PLXNA4: variants seen among roughly 807,000 people sequenced by gnomAD.
PLXNA4 encodes plexin A4, also known as plexin-A4.
A neutral mutation model predicts 191.8 loss-of-function variants in PLXNA4; 44 were observed. That is an observed-to-expected ratio of 0.23 (90% CI 0.18 to 0.29). The LOEUF (loss-of-function observed/expected upper bound fraction) is 0.29, where lower values mean the gene tolerates loss of function less well. PLXNA4 is among the 10% of genes least tolerant of loss of function. The pLI is 1.00. For missense variants in PLXNA4, 1,800 were observed against 2,488.8 expected (o/e 0.72, Z 5.89); for synonymous variants, 1,082 against 1,009.5 (o/e 1.07, Z -1.36).
chr7:132,216,062 C>G (rs1355236155), intron 9 of PLXNA4, among the ~76,000 whole-genome samples: 2 of 152,226 alleles, frequency 1.3e-5, no homozygotes, highest in Non-Finnish European at 2.9e-5. Context: ...GAAGTGGAGA[C>G]AGTCTTTTGG....
At chr7:132,566,172 A>G (rs1801714286) in intron 1 of PLXNA4, among the ~76,000 whole-genome samples, 1 of 152,156 alleles carries the variant, frequency 6.6e-6, no homozygotes, top group African/African-American at 2.4e-5. Context: ...GCCTGCACCA[A>G]GCATGGGGGG....
At chr7:132,437,569 G>A (rs73158826) in intron 3 of PLXNA4, among the ~76,000 whole-genome samples, 471 of 138,098 alleles carry the variant, frequency 3.4e-3, no homozygotes, top group Middle Eastern at 7.6e-3. Context: ...GGAAAAAAAA[G>A]AAAAAAAAAA....
chr7:132,647,830 T>C (rs1424191158), intron 1 of PLXNA4, among the ~76,000 whole-genome samples: 1 of 150,122 alleles, frequency 6.7e-6, no homozygotes, highest in Admixed American at 6.6e-5. Flanking sequence ...ACTCAAAATA[T>C]ACACTCATAA....
At chr7:132,246,924 C>A (rs1291297909) in intron 4 of PLXNA4, among the ~76,000 whole-genome samples, 1 of 152,070 alleles carries the variant, frequency 6.6e-6, no homozygotes, top group African/African-American at 2.4e-5. Context: ...AGCAAAGGGT[C>A]CCAAATCAGA....
intron 1 of PLXNA4, among the ~76,000 whole-genome samples, chr7:132,553,035 A>G (rs1800629161): frequency 6.6e-6 from 1 of 152,124 alleles, no homozygotes; most frequent in Non-Finnish European, 1.5e-5. Context: ...CATGAAACTG[A>G]AGTTCTTCCT....
At chr7:132,483,365 C>T (rs1797414662) in intron 3 of PLXNA4, among the ~76,000 whole-genome samples, 1 of 152,216 alleles carries the variant, frequency 6.6e-6, no homozygotes, top group Non-Finnish European at 1.5e-5. Context: ...GTTGGGGGCT[C>T]ATTCCCTCTT....
At chr7:132,190,149 G>A in intron 14 of PLXNA4, among the ~76,000 whole-genome samples, 1 of 152,148 alleles carries the variant, frequency 6.6e-6, no homozygotes, top group East Asian at 1.9e-4. Flanking sequence ...TAGACCTTAT[G>A]CTGGGAACAG....
chr7:132,555,472 A>G (rs1476357257), intron 1 of PLXNA4, among the ~76,000 whole-genome samples: 2 of 152,238 alleles, frequency 1.3e-5, no homozygotes, highest in Non-Finnish European at 2.9e-5. Flanking sequence ...AGCAGAACTG[A>G]CAAGCTTTAG....
At chr7:132,153,238 G>A (rs555182703) in intron 25 of PLXNA4, among the ~76,000 whole-genome samples, 1 of 152,296 alleles carries the variant, frequency 6.6e-6, no homozygotes, top group East Asian at 1.9e-4. Context: ...TGTAGTTCTA[G>A]GGATCGATGA....
chr7:132,202,735 T>C lies in PLXNA4; in HGVS notation c.2497A>G (p.Thr833Ala), dbSNP rs1797481539. The stretch of plus-strand genomic sequence containing the variant: ...TGGGCAGGGCAGTGCTGGCGCAGGG[T>C]GCACTGGCCTGGGCCCTGGCACCAG... ...CGWCQGPGQC[T>A]LRQHCPAQES... Residue 833 changes from threonine (T) to alanine (A), a missense_variant, in exon 12 of 32, where the codon ACC becomes GCC. This residue lies in a region of PLXNA4 where 1,397 missense variants were observed against 1,880.4 expected (regional missense o/e 0.74). Coordinates refer to ENST00000321063, the MANE Select transcript of PLXNA4 (RefSeq NM_020911.2). 6.2e-7 allele frequency: 1 copy of C among 1,610,664 alleles called. No homozygotes were observed. Among genetic ancestry groups the C allele is most frequent in the Non-Finnish European group, 8.5e-7 (1 of 1,178,364 alleles).
At chr7:132,466,306 T>G (rs2117387906) in intron 3 of PLXNA4, among the ~76,000 whole-genome samples, 1 of 152,260 alleles carries the variant, frequency 6.6e-6, no homozygotes, top group Admixed American at 6.5e-5. Flanking sequence ...CAACAGGGCA[T>G]GATGAGGACC....
chr7:132,491,934 G>T (rs745852700), intron 2 of PLXNA4, among the ~76,000 whole-genome samples: 3 of 152,176 alleles, frequency 2.0e-5, no homozygotes, highest in Non-Finnish European at 2.9e-5. Context: ...TGTGCCTGCT[G>T]GATATGACCA....
intron 3 of PLXNA4, among the ~76,000 whole-genome samples, chr7:132,339,581 T>C (rs367934961): frequency 1.9e-4 from 29 of 152,312 alleles, no homozygotes; most frequent in African/African-American, 5.5e-4. Flanking sequence ...AAAAGAGTGT[T>C]CCATTTTGTG....
chr7:132,566,865 C>T (rs898901639), intron 1 of PLXNA4, among the ~76,000 whole-genome samples: 1 of 152,184 alleles, frequency 6.6e-6, no homozygotes, highest in Admixed American at 6.5e-5. Flanking sequence ...ATGACAAGGA[C>T]AAGAGGCAGG....
chr7:132,537,086 A>AG (rs1799873595), intron 1 of PLXNA4, among the ~76,000 whole-genome samples: 1 of 152,200 alleles, frequency 6.6e-6, no homozygotes, highest in South Asian at 2.1e-4. Context: ...TGCTGCCTGG[A>AG]GGAGCGAGCT....
At chr7:132,219,926 A>G (rs1331280899) in intron 9 of PLXNA4, among the ~76,000 whole-genome samples, 1 of 152,212 alleles carries the variant, frequency 6.6e-6, no homozygotes, top group Non-Finnish European at 1.5e-5. Flanking sequence ...TATGCCATAT[A>G]GCCTAGGTGT....
chr7:132,258,193 C>T (rs996330239), intron 4 of PLXNA4, among the ~76,000 whole-genome samples: 6 of 152,254 alleles, frequency 3.9e-5, no homozygotes, highest in Non-Finnish European at 8.8e-5. Context: ...GCCAATGCTT[C>T]TTCAAGGAGT....
At chr7:132,396,639 T>C (rs1330119567) in intron 3 of PLXNA4, among the ~76,000 whole-genome samples, 4 of 152,288 alleles carry the variant, frequency 2.6e-5, no homozygotes, top group East Asian at 1.9e-4. Flanking sequence ...TACAGGTGTG[T>C]GCAACCATGG....
At chr7:132,507,413 G>C in intron 2 of PLXNA4, 93 bp downstream of exon 2, 2 of 1,362,898 alleles carry the variant, frequency 1.5e-6, no homozygotes, top group Non-Finnish European at 2.0e-6. Context: ...TCTGCAAAAG[G>C]GGAAGGATGA....
Sources: gnomAD v4.1 joint callset for allele counts (sites outside exome capture counted in the v4.1 genomes callset) on GRCh38, gnomAD v4.1.1 for gene constraint, gnomAD v4.1.1 regional missense constraint, MANE v1.5 for transcripts, NCBI Gene and HGNC (gene_info 2026-07-23, HGNC 2026-07-21) for gene names.